Variants in BCAR3 observed in about 807,000 individuals in gnomAD.
BCAR3 encodes breast cancer anti-estrogen resistance protein 3.
In BCAR3, 37 loss-of-function variants were observed where a neutral mutation model predicts 80.1. That is an observed-to-expected ratio of 0.46 (90% CI 0.36 to 0.61). The LOEUF is 0.61. Ranked by LOEUF, BCAR3 falls within the 20% of genes least tolerant of loss-of-function variation. The pLI is 0.00. For missense variants in BCAR3, 978 were observed against 1,068.2 expected (o/e 0.92, Z 1.18); for synonymous variants, 389 against 418.9 (o/e 0.93, Z 0.87).
intron 2 of BCAR3, among the ~76,000 whole-genome samples, chr1:93,837,916 A>G (rs1188646368): frequency 1.3e-5 from 2 of 152,208 alleles, no homozygotes; most frequent in Non-Finnish European, 2.9e-5. Flanking sequence ...CTGAAGAATT[A>G]ATTGATCCAT....
At chr1:93,806,587 C>T (rs1241818542) in intron 2 of BCAR3, among the ~76,000 whole-genome samples, 1 of 152,054 alleles carries the variant, frequency 6.6e-6, no homozygotes, top group Non-Finnish European at 1.5e-5. Flanking sequence ...GGTTTTAAGA[C>T]AATTGTGTTT....
At chr1:93,705,345 A>C (rs1033709181) in intron 3 of BCAR3, among the ~76,000 whole-genome samples, 2 of 152,174 alleles carry the variant, frequency 1.3e-5, no homozygotes, top group African/African-American at 2.4e-5. Context: ...CTCCCTTGTA[A>C]ATGCGGAAAT....
intron 3 of BCAR3, among the ~76,000 whole-genome samples, chr1:93,686,964 C>G (rs956812073): frequency 2.0e-5 from 3 of 152,174 alleles, no homozygotes; most frequent in Non-Finnish European, 4.4e-5. Flanking sequence ...GGTCAGGTTC[C>G]CCAGTTAAAT....
chr1:93,635,700 G>C (rs1675760257), intron 3 of BCAR3, among the ~76,000 whole-genome samples: 1 of 152,196 alleles, frequency 6.6e-6, no homozygotes, highest in African/African-American at 2.4e-5. Flanking sequence ...AGGGGATGGC[G>C]CTGGCTCTGC....
intron 3 of BCAR3, among the ~76,000 whole-genome samples, chr1:93,623,297 AG>A (rs60308754): frequency 6.6e-6 from 1 of 152,000 alleles, no homozygotes; most frequent in Non-Finnish European, 1.5e-5. Context: ...TAAAAATGTA[AG>A]GGGGGGAATG....
chr1:93,701,629 G>A (rs1488274331), intron 3 of BCAR3, among the ~76,000 whole-genome samples: 1 of 152,242 alleles, frequency 6.6e-6, no homozygotes, highest in African/African-American at 2.4e-5. Context: ...ATGAGGGGCT[G>A]GGCAGGCCCA....
chr1:93,835,739 A>T (rs1208087465), intron 2 of BCAR3, among the ~76,000 whole-genome samples: 1 of 152,102 alleles, frequency 6.6e-6, no homozygotes, highest in Non-Finnish European at 1.5e-5. Context: ...AAGCTCAGGG[A>T]TTTGCCCCTG....
At chr1:93,802,398 C>T (rs1653512925) in intron 2 of BCAR3, among the ~76,000 whole-genome samples, 1 of 152,080 alleles carries the variant, frequency 6.6e-6, no homozygotes, top group Non-Finnish European at 1.5e-5. Flanking sequence ...CAGATACTAA[C>T]ATGTGAACCA....
Position 93,728,494 on chromosome 1 carries a change from G to A in BCAR3, c.-62-22352C>T, listed in dbSNP as rs1650673109. ...AGGGCTTTCTGTATCCTGGGTTCTTGCCTTGGTGTACCAGAAGAATTGGAT... is the reference window on the plus strand; with the variant it reads ...AGGGCTTTCTGTATCCTGGGTTCTTACCTTGGTGTACCAGAAGAATTGGAT... On this transcript the variant is annotated intron_variant, in intron 2 of 13. Coordinates refer to the BCAR3 transcript ENST00000370244. 2.0e-5 allele frequency among the ~76,000 whole-genome samples: 3 copies of A among 152,222 alleles called. No homozygotes were observed. In the South Asian group the frequency reaches 6.2e-4, roughly 31 times the overall value.
chr1:93,756,145 C>T (rs184657679), intron 2 of BCAR3, among the ~76,000 whole-genome samples: 2 of 152,312 alleles, frequency 1.3e-5, no homozygotes, highest in Admixed American at 1.3e-4. Flanking sequence ...TGAGAGTGAT[C>T]TATAACCTAA....
chr1:93,807,684 G>T (rs1306743096), intron 2 of BCAR3, among the ~76,000 whole-genome samples: 1 of 152,146 alleles, frequency 6.6e-6, no homozygotes, highest in East Asian at 1.9e-4. Context: ...GTTAGTTGGT[G>T]AGATTCCTAG....
intron 3 of BCAR3, among the ~76,000 whole-genome samples, chr1:93,636,828 G>A (rs1304064699): frequency 6.6e-6 from 1 of 152,140 alleles, no homozygotes; most frequent in Admixed American, 6.5e-5. Flanking sequence ...CCAGCATGGT[G>A]GCTCATATCT....
At chr1:93,731,146 G>C (rs1650773836) in intron 2 of BCAR3, among the ~76,000 whole-genome samples, 1 of 152,210 alleles carries the variant, frequency 6.6e-6, no homozygotes, top group African/African-American at 2.4e-5. Flanking sequence ...AGGAAAGTCA[G>C]AAACAGTCAG....
In BCAR3 at chr1:93,765,369, C is replaced by T. The variant is rs146466195; in HGVS notation, c.-62-59227G>A. 3.0e-3 allele frequency among the ~76,000 whole-genome samples: 459 copies of T among 152,334 alleles called. 1 individual carries two copies. Among genetic ancestry groups the T allele is most frequent in the African/African-American group, 0.011 (451 of 41,566 alleles). On this transcript the variant is annotated intron_variant, in intron 2 of 13. Coordinates refer to the BCAR3 transcript ENST00000370244. ...ATATTAATACTACCTACTGAGACTA[C>T]AGCACATTTCCCTGGTCTTGGTTAT...
At chr1:93,702,174 C>T (rs1279282157) in intron 3 of BCAR3, among the ~76,000 whole-genome samples, 2 of 152,170 alleles carry the variant, frequency 1.3e-5, no homozygotes, top group African/African-American at 2.4e-5. Context: ...AAGCACAGCA[C>T]GCCATTGCAG....
At chr1:93,830,458 A>G (rs1654520358) in intron 2 of BCAR3, among the ~76,000 whole-genome samples, 3 of 152,100 alleles carry the variant, frequency 2.0e-5, no homozygotes, top group Admixed American at 2.0e-4. Flanking sequence ...CACCATTGTG[A>G]TTTGTTCCCG....
At chr1:93,667,601 C>T (rs571042540) in intron 2 of BCAR3, among the ~76,000 whole-genome samples, 36 of 152,364 alleles carry the variant, frequency 2.4e-4, no homozygotes, top group African/African-American at 8.7e-4. Flanking sequence ...ACAGATCACA[C>T]TGCATAAAAG....
intron 2 of BCAR3, among the ~76,000 whole-genome samples, chr1:93,769,130 G>A (rs72723125): frequency 0.064 from 9,727 of 152,154 alleles, 367 homozygotes; most frequent in South Asian, 0.093. Context: ...AGCAGCAGAC[G>A]ATATAACTTC....
intron 11 of BCAR3, among the ~76,000 whole-genome samples, chr1:93,565,667 T>C (rs540229031): frequency 1.3e-5 from 2 of 152,350 alleles, no homozygotes; most frequent in East Asian, 3.9e-4. Context: ...CTGATACTTG[T>C]TGACTTGTGT....
Sources: allele counts gnomAD v4.1 joint callset (sites outside exome capture counted in the v4.1 genomes callset), GRCh38; gene constraint gnomAD v4.1.1; transcripts MANE v1.5; gene names NCBI Gene and HGNC (gene_info 2026-07-23, HGNC 2026-07-21).